The following SCARA5 variants were observed in gnomAD, a reference collection of about 807,000 sequenced individuals.
The protein encoded by SCARA5 is scavenger receptor class A, member 5 (putative).
In SCARA5, 45 loss-of-function variants were observed where a neutral mutation model predicts 46.3. The ratio of observed to expected loss-of-function variants is 0.97; its 90% CI spans 0.76 to 1.24. The LOEUF is 1.24. Ranked by LOEUF, SCARA5 falls within the 50% of genes most tolerant of loss-of-function variation. The pLI is 0.00. For synonymous variants in SCARA5, 333 were observed against 306.5 expected (o/e 1.09, Z -0.90); for missense variants, 680 against 689.0 (o/e 0.99, Z 0.15).
At chr8:27,880,402 A>AC (rs1313673506) in intron 7 of SCARA5, among the ~76,000 whole-genome samples, 1 of 151,804 alleles carries the variant, frequency 6.6e-6, no homozygotes, top group Non-Finnish European at 1.5e-5. Context: ...GAAAAAAAAA[A>AC]AAAAACCTAT....
At chr8:27,886,786 C>A (rs892716518) in intron 7 of SCARA5, among the ~76,000 whole-genome samples, 5 of 152,224 alleles carry the variant, frequency 3.3e-5, no homozygotes, top group Non-Finnish European at 5.9e-5. Flanking sequence ...TCCCACCAAG[C>A]CACCAACCAC....
chr8:27,968,835 T>C (rs1403097383), intron 2 of SCARA5, among the ~76,000 whole-genome samples: 1 of 152,172 alleles, frequency 6.6e-6, no homozygotes, highest in Non-Finnish European at 1.5e-5. Context: ...GTCTATTTTT[T>C]CCCCATTAAA....
chr8:27,897,478 TC>T (rs1163551258), intron 7 of SCARA5, among the ~76,000 whole-genome samples: 1 of 152,276 alleles, frequency 6.6e-6, no homozygotes, highest in Non-Finnish European at 1.5e-5. Flanking sequence ...CAGCGTCATT[TC>T]TTTCACTGGT....
At chr8:27,931,224 G>T (rs531562944) in intron 3 of SCARA5, among the ~76,000 whole-genome samples, 93 of 152,306 alleles carry the variant, frequency 6.1e-4, no homozygotes, top group African/African-American at 2.2e-3. Context: ...CTGCACTCAG[G>T]GTGTGTGACC....
At chr8:27,896,359 C>T (rs1368198732) in intron 7 of SCARA5, among the ~76,000 whole-genome samples, 1 of 152,152 alleles carries the variant, frequency 6.6e-6, no homozygotes, top group Non-Finnish European at 1.5e-5. Context: ...TTCTCCTCCT[C>T]CTCTATGTTC....
chr8:27,877,700 C>T (rs998900448), intron 8 of SCARA5, among the ~76,000 whole-genome samples: 2 of 152,140 alleles, frequency 1.3e-5, no homozygotes, highest in African/African-American at 4.8e-5. Context: ...GAATCCAGCC[C>T]CAAGCCTTAG....
intron 7 of SCARA5, among the ~76,000 whole-genome samples, chr8:27,900,193 C>G (rs1465192793): frequency 6.6e-6 from 1 of 152,052 alleles, no homozygotes; most frequent in African/African-American, 2.4e-5. Context: ...GTCGCTGTGT[C>G]TCTCCATGCC....
At chr8:27,932,919 C>T (rs2727014) in intron 3 of SCARA5, among the ~76,000 whole-genome samples, 50,135 of 152,204 alleles carry the variant, frequency 0.33, 8,422 homozygotes, top group East Asian at 0.37. Context: ...GCGTCAGCCA[C>T]GGCGCTTGGC....
chr8:27,960,208 G>T (rs918662657), intron 3 of SCARA5, among the ~76,000 whole-genome samples: 8 of 148,878 alleles, frequency 5.4e-5, no homozygotes, highest in Non-Finnish European at 8.9e-5. Context: ...ACAGGATCTC[G>T]CTCTGTCACT....
At position 27,922,340 on chromosome 8, in the gene SCARA5, G is replaced by A. The variant is rs976142610; in HGVS notation, c.242-95C>T. On this transcript the variant is annotated intron_variant, in intron 3 of 8. Transcript: ENST00000354914. ...CCAGTCAGAGCCTGGCATGCAGTAG[G>A]TGCTCAATAAATGATAGACGAATAA... The A allele has an allele frequency of 6.0e-5, 47 of 789,338 alleles. 1 individual carries two copies. Among genetic ancestry groups the A allele is most frequent in the Non-Finnish European group, 8.1e-5 (42 of 519,806 alleles). 48.9% of individuals were successfully genotyped at this position (789,338 alleles called of 1,614,324 possible). A position where few individuals can be genotyped will look rare whatever the true frequency, so the allele number is the denominator to read the frequency against.
intron 3 of SCARA5, among the ~76,000 whole-genome samples, chr8:27,958,534 T>C (rs1046609780): frequency 3.9e-5 from 6 of 152,192 alleles, no homozygotes; most frequent in African/African-American, 1.4e-4. Flanking sequence ...GGTCATGTCC[T>C]CTCGGGAACT....
At chr8:27,926,469 G>A (rs994839790) in intron 3 of SCARA5, among the ~76,000 whole-genome samples, 1 of 152,046 alleles carries the variant, frequency 6.6e-6, no homozygotes, top group Admixed American at 6.5e-5. Context: ...CTGGGGGAGG[G>A]ATAGCATTAG....
intron 3 of SCARA5, among the ~76,000 whole-genome samples, chr8:27,929,767 T>C (rs1239661148): frequency 1.3e-5 from 2 of 152,226 alleles, no homozygotes; most frequent in African/African-American, 4.8e-5. Context: ...ACCTACTGTA[T>C]GCCAAACTTG....
At position 27,871,462 on chromosome 8, in the gene SCARA5, G is replaced by A. The variant is rs1445413242; in HGVS notation, c.*472C>T. 2.5e-5 allele frequency: 25 copies of A among 989,194 alleles called. No homozygotes were observed. The South Asian group carries it at 3.3e-4, about 13-fold the overall frequency. The allele number at this position is 989,194 out of a possible 1,614,324, so 61.3% of individuals were successfully genotyped here. A position where few individuals can be genotyped will look rare whatever the true frequency, so the allele number is the denominator to read the frequency against. ...AAAGGGGGGAAATTCATCACTTGACGTTGCCTCTTGCTGGGGAGGAAGATG... is the reference window on the plus strand; with the variant it reads ...AAAGGGGGGAAATTCATCACTTGACATTGCCTCTTGCTGGGGAGGAAGATG... On this transcript the variant is annotated 3_prime_UTR_variant, in exon 9 of 9. Transcript: ENST00000354914.
chr8:27,916,477 G>A (rs1469267988), intron 4 of SCARA5, among the ~76,000 whole-genome samples: 3 of 152,176 alleles, frequency 2.0e-5, no homozygotes, highest in African/African-American at 7.2e-5. Context: ...ATATGTGTGT[G>A]TGTGTATATT....
intron 2 of SCARA5, among the ~76,000 whole-genome samples, chr8:27,975,404 TAATC>T (rs1219944245): frequency 1.3e-5 from 2 of 152,142 alleles, no homozygotes; most frequent in East Asian, 1.9e-4. Context: ...TCTAGCAAAT[TAATC>T]AAACTCAGGG....
In SCARA5 at chr8:27,887,630, C is replaced by G. The variant is rs192459439; in HGVS notation, c.1154-7864G>C. Among the ~76,000 whole-genome samples, 9 of 152,284 alleles carry G rather than the reference C, an allele frequency of 5.9e-5. No individual in the cohort carries two copies. In the East Asian group the frequency reaches 1.7e-3, roughly 29 times the overall value. On this transcript the variant is annotated intron_variant, in intron 7 of 8. Coordinates refer to ENST00000354914, the MANE Select transcript of SCARA5 (RefSeq NM_173833.6). ...TTTGGCAGAGCTTTTTCTTGTAATG[C>G]CCACCCCTGCCCCCCATAGCAGAGA...
At chr8:27,978,241 G>T (rs1425777295) in intron 2 of SCARA5, among the ~76,000 whole-genome samples, 2 of 150,454 alleles carry the variant, frequency 1.3e-5, no homozygotes, top group East Asian at 3.9e-4. Flanking sequence ...ATGTTGGCCA[G>T]GTTGGTTTCG....
At chr8:27,954,262 G>A (rs1466459703) in intron 3 of SCARA5, among the ~76,000 whole-genome samples, 2 of 152,108 alleles carry the variant, frequency 1.3e-5, no homozygotes, top group African/African-American at 4.8e-5. Context: ...CATGCTGGGG[G>A]CTGTGTTCTC....
Sources: gnomAD v4.1 joint callset for allele counts (sites outside exome capture counted in the v4.1 genomes callset) on GRCh38, gnomAD v4.1.1 for gene constraint, MANE v1.5 for transcripts, NCBI Gene and HGNC (gene_info 2026-07-23, HGNC 2026-07-21) for gene names.